Variants in COG5 observed in about 807,000 individuals in gnomAD.
The protein encoded by COG5 is component of oligomeric golgi complex 5.
A neutral mutation model predicts 110.4 loss-of-function variants in COG5; 86 were observed. The ratio of observed to expected loss-of-function variants is 0.78; its 90% CI spans 0.65 to 0.93. The LOEUF is 0.93. Ranked by LOEUF, COG5 falls within the 40% of genes least tolerant of loss-of-function variation. The probability of loss-of-function intolerance (pLI) is 0.00; values close to 1 mark genes in which losing one functional copy is unlikely to be tolerated. For missense variants in COG5, 1,077 were observed against 987.0 expected (o/e 1.09, Z -1.22); for synonymous variants, 360 against 334.6 (o/e 1.08, Z -0.83).
At chr7:107,282,128 A>G (rs1164847278) in intron 13 of COG5, among the ~76,000 whole-genome samples, 1 of 152,180 alleles carries the variant, frequency 6.6e-6, no homozygotes, top group Admixed American at 6.5e-5. Context: ...GTAGTAGAGT[A>G]AATCTTACCA....
At chr7:107,214,920 C>CAA (rs1286533575) in intron 19 of COG5, among the ~76,000 whole-genome samples, 59 of 80,566 alleles carry the variant, frequency 7.3e-4, no homozygotes, top group Middle Eastern at 9.4e-3. Context: ...GACTCTGTCT[C>CAA]AAAAAAAAAA....
At chr7:107,502,053 T>C (rs1448948123) in intron 6 of COG5, among the ~76,000 whole-genome samples, 1 of 152,102 alleles carries the variant, frequency 6.6e-6, no homozygotes, top group Non-Finnish European at 1.5e-5. Flanking sequence ...GGAGTACAAG[T>C]GGTTGTGATT....
intron 1 of COG5, among the ~76,000 whole-genome samples, chr7:107,562,230 T>C (rs1263569366): frequency 6.6e-6 from 1 of 152,230 alleles, no homozygotes; most frequent in Non-Finnish European, 1.5e-5. Context: ...CTGTGGAGAA[T>C]GGCAGAGAAC....
intron 7 of COG5, among the ~76,000 whole-genome samples, chr7:107,386,431 C>G (rs575098426): frequency 6.6e-6 from 1 of 152,172 alleles, no homozygotes; most frequent in East Asian, 1.9e-4. Context: ...GACAGACCCC[C>G]GCAGCTGGTG....
intron 6 of COG5, among the ~76,000 whole-genome samples, chr7:107,465,425 C>T (rs546549305): frequency 1.1e-4 from 17 of 152,052 alleles, no homozygotes; most frequent in African/African-American, 4.1e-4. Flanking sequence ...CCAAGAACTA[C>T]AAAATATTGA....
intron 6 of COG5, among the ~76,000 whole-genome samples, chr7:107,448,558 C>G (rs546321619): frequency 1.3e-5 from 2 of 152,132 alleles, no homozygotes; most frequent in Non-Finnish European, 2.9e-5. Context: ...GATATCTGTC[C>G]TATTTCCCCC....
chr7:107,517,172 T>A (rs559246829), intron 6 of COG5, among the ~76,000 whole-genome samples: 1 of 152,178 alleles, frequency 6.6e-6, no homozygotes, highest in South Asian at 2.1e-4. Context: ...AATGACTTGA[T>A]GCAGCTGAAA....
At chr7:107,467,908 G>A (rs1433712248) in intron 6 of COG5, among the ~76,000 whole-genome samples, 1 of 152,014 alleles carries the variant, frequency 6.6e-6, no homozygotes, top group African/African-American at 2.4e-5. Context: ...CACTGTCTGT[G>A]CTCGAGCTAC....
chr7:107,372,349 A>T (rs996079112), intron 8 of COG5, among the ~76,000 whole-genome samples: 8 of 152,206 alleles, frequency 5.3e-5, no homozygotes, highest in African/African-American at 1.9e-4. Context: ...GTTTCCTCTC[A>T]ACCAAATGAC....
intron 17 of COG5, among the ~76,000 whole-genome samples, chr7:107,244,997 A>C (rs1390817718): frequency 6.6e-6 from 1 of 152,110 alleles, no homozygotes; most frequent in Non-Finnish European, 1.5e-5. Context: ...AGACACAGCG[A>C]AAAAAGAAAA....
At chr7:107,481,008 G>C (rs933998686) in intron 6 of COG5, 12 of 152,056 alleles carry the variant, frequency 7.9e-5, no homozygotes, top group African/African-American at 2.9e-4. Flanking sequence ...TGTATCCATG[G>C]CTTTCAAATA....
intron 7 of COG5, among the ~76,000 whole-genome samples, chr7:107,391,742 T>C (rs139177878): frequency 1.4e-4 from 21 of 152,282 alleles, no homozygotes; most frequent in Admixed American, 1.4e-3. Flanking sequence ...CCAAGTGACA[T>C]ATACACACCA....
intron 11 of COG5, among the ~76,000 whole-genome samples, chr7:107,321,646 A>G (rs1809295218): frequency 6.6e-6 from 1 of 152,148 alleles, no homozygotes; most frequent in Non-Finnish European, 1.5e-5. Context: ...ATTTTCAACA[A>G]AAGTTTCCAA....
chr7:107,229,989 T>G (rs1800665201), intron 19 of COG5, among the ~76,000 whole-genome samples: 1 of 151,782 alleles, frequency 6.6e-6, no homozygotes, highest in African/African-American at 2.4e-5. Context: ...TAGCTGGAAC[T>G]ACAGGTGTGC....
In COG5 at chr7:107,203,541, T is replaced by C. The variant is rs769241945; in HGVS notation, c.2465A>G (p.Gln822Arg). The C allele has an allele frequency of 1.9e-6, 3 of 1,613,526 alleles. No homozygotes were observed. The Admixed American group carries it at 5.0e-5, about 27-fold the overall frequency. ...PVYPIMVQLL[Q>R]KAMSALQ ...TTACTGAAGAGCAGACATAGCCTTT[T>C]GAAGCAGCTGAACCATTATGGGATA... The change falls in exon 22 of 22, where the codon CAA (glutamine) becomes CGA (arginine). Residue 822 changes from glutamine (Q) to arginine (R), a missense_variant. Transcript: ENST00000297135.
At chr7:107,234,866 GAC>G (rs1242998442) in intron 18 of COG5, among the ~76,000 whole-genome samples, 1 of 151,882 alleles carries the variant, frequency 6.6e-6, no homozygotes, top group East Asian at 1.9e-4. Context: ...GGACAAATAA[GAC>G]ACTATTTACA....
chr7:107,533,017 T>C (rs1276107628), intron 5 of COG5, among the ~76,000 whole-genome samples: 1 of 147,842 alleles, frequency 6.8e-6, no homozygotes, highest in Non-Finnish European at 1.5e-5. Context: ...CCTCCACTGG[T>C]GATACTCAAG....
At chr7:107,270,234 T>A (rs1421142540) in intron 14 of COG5, among the ~76,000 whole-genome samples, 3 of 151,150 alleles carry the variant, frequency 2.0e-5, no homozygotes, top group African/African-American at 7.3e-5. Context: ...CTCCGGTTCT[T>A]AGCAAAGATA....
At chr7:107,499,815 G>T (rs1326353318) in intron 6 of COG5, among the ~76,000 whole-genome samples, 2 of 152,112 alleles carry the variant, frequency 1.3e-5, no homozygotes, top group East Asian at 1.9e-4. Context: ...TAGAAGTAGG[G>T]ATAGTATCTA....
Sources: gnomAD v4.1 joint callset for allele counts (sites outside exome capture counted in the v4.1 genomes callset) on GRCh38, gnomAD v4.1.1 for gene constraint, MANE v1.5 for transcripts, NCBI Gene and HGNC (gene_info 2026-07-23, HGNC 2026-07-21) for gene names.